EDN3: variants seen among roughly 807,000 people sequenced by gnomAD.
EDN3 encodes endothelin-3.
In EDN3, 9 loss-of-function variants were observed where a neutral mutation model predicts 21.4. That is an observed-to-expected ratio of 0.42 (90% CI 0.25 to 0.73). The LOEUF (loss-of-function observed/expected upper bound fraction) is 0.73, where lower values mean the gene tolerates loss of function less well. EDN3 is among the 30% of genes least tolerant of loss of function. EDN3 has a pLI of 0.26. For synonymous variants in EDN3, 133 were observed against 126.2 expected (o/e 1.05, Z -0.36); for missense variants, 327 against 309.4 (o/e 1.06, Z -0.43).
At chr20:59,310,190 A>T (rs1989705126) in intron 2 of EDN3, among the ~76,000 whole-genome samples, 1 of 152,030 alleles carries the variant, frequency 6.6e-6, no homozygotes, top group Non-Finnish European at 1.5e-5. Context: ...GTAAAGGGTG[A>T]CCCTGTCTAC....
intron 2 of EDN3, among the ~76,000 whole-genome samples, chr20:59,310,470 C>T (rs1989725004): frequency 1.3e-5 from 2 of 152,190 alleles, no homozygotes; most frequent in African/African-American, 4.8e-5. Context: ...AATCCTGGCT[C>T]ACCCACCAAA....
At chr20:59,306,387 G>T (rs533249429) in intron 2 of EDN3, among the ~76,000 whole-genome samples, 1 of 152,136 alleles carries the variant, frequency 6.6e-6, no homozygotes, top group East Asian at 1.9e-4. Flanking sequence ...AGGTGCTGTT[G>T]CCTCTCTGTG....
At chr20:59,324,299 T>C in intron 4 of EDN3, 32 bp from the exon 5 acceptor site, 6 of 1,614,030 alleles carry the variant, frequency 3.7e-6, no homozygotes, top group Non-Finnish European at 5.1e-6. Context: ...TACCTTTCTT[T>C]TTTTTTCTTT....
chr20:59,300,981 T>C, intron 1 of EDN3, 117 bp downstream of exon 1: 1 of 1,257,094 alleles, frequency 8.0e-7, no homozygotes, highest in Non-Finnish European at 1.1e-6. Flanking sequence ...TTGCCTGGGC[T>C]CTGCACTCGT....
intron 2 of EDN3, among the ~76,000 whole-genome samples, chr20:59,313,526 A>C (rs1167764366): frequency 6.6e-6 from 1 of 152,064 alleles, no homozygotes; most frequent in African/African-American, 2.4e-5. Flanking sequence ...TTTGAGGGGG[A>C]AAGGAGGGGG....
intron 2 of EDN3, among the ~76,000 whole-genome samples, chr20:59,303,176 T>G (rs11570264): frequency 2.5e-3 from 376 of 152,324 alleles, no homozygotes; most frequent in Admixed American, 8.0e-3. Flanking sequence ...TTGCATTTTC[T>G]CCTGGGTCCC....
Position 59,315,343 on chromosome 20 carries a change from G to A in EDN3, c.366-5674G>A, listed in dbSNP as rs535113154. On this transcript the variant is annotated intron_variant, in intron 2 of 4. Transcript: ENST00000337938. ...TTGTTTCTCCTCCTCTTGGCCACAG[G>A]ACAAGTCACAGAGCCATGCTTTCTG... Among the ~76,000 whole-genome samples the A allele has an allele frequency of 7.2e-5, 11 of 152,322 alleles. No individual in the cohort carries two copies. The East Asian group carries it at 1.9e-3, about 27-fold the overall frequency.
chr20:59,324,304 T>C (rs1382408066), intron 4 of EDN3, 27 bp from the exon 5 acceptor site: 2 of 1,614,096 alleles, frequency 1.2e-6, no homozygotes, highest in Non-Finnish European at 1.7e-6. Flanking sequence ...TTCTTTTTTT[T>C]TCTTTTGCCC....
At chr20:59,307,078 G>T (rs1249534794) in intron 2 of EDN3, among the ~76,000 whole-genome samples, 1 of 152,212 alleles carries the variant, frequency 6.6e-6, no homozygotes, top group African/African-American at 2.4e-5. Context: ...CCAGGAGGTG[G>T]AGGTTGCAGT....
Position 59,314,823 on chromosome 20 carries a change from G to T in EDN3, c.366-6194G>T, listed in dbSNP as rs911077918. ...AATTCCCTGCTTCTCAGTCCTTGGA[G>T]TGCAGGTGCTCCTGTTCCTGGTCCT... is the stretch of plus-strand genomic sequence containing the variant. On this transcript the variant is annotated intron_variant, in intron 2 of 4. Coordinates refer to ENST00000337938, the MANE Select transcript of EDN3 (RefSeq NM_207034.3). Among the ~76,000 whole-genome samples, 4 of 152,208 alleles carry T rather than the reference G, an allele frequency of 2.6e-5. No individual in the cohort carries two copies. The South Asian group carries it at 6.2e-4, about 24-fold the overall frequency.
chr20:59,313,186 C>G (rs1442717349), intron 2 of EDN3, among the ~76,000 whole-genome samples: 1 of 152,194 alleles, frequency 6.6e-6, no homozygotes, highest in African/African-American at 2.4e-5. Flanking sequence ...GCAGTGATGG[C>G]TCATTTGGAC....
chr20:59,301,285 C>A (rs763914951), intron 1 of EDN3, 125 bp from the exon 2 acceptor site: 152 of 1,189,054 alleles, frequency 1.3e-4, no homozygotes, highest in Non-Finnish European at 1.7e-4. Context: ...TCAGAAACTG[C>A]GCAGAGCTTT....
At chr20:59,314,596 C>G (rs187991189) in intron 2 of EDN3, among the ~76,000 whole-genome samples, 26 of 152,246 alleles carry the variant, frequency 1.7e-4, no homozygotes, top group African/African-American at 5.5e-4. Flanking sequence ...AGTTGCCCCT[C>G]TTAGGAGTCT....
Position 59,324,573 on chromosome 20 carries a change from AC to A in EDN3, c.*117del. The stretch of plus-strand genomic sequence containing the variant: ...TGAATTTGCCTGGGGCAGAACACCC[AC>A]CCAAAGAGTCCCCACTTAACAATAC... On this transcript the variant is annotated 3_prime_UTR_variant, in exon 5 of 5. Coordinates refer to ENST00000337938, the MANE Select transcript of EDN3 (RefSeq NM_207034.3). 7.0e-7 allele frequency: 1 copy of A among 1,422,716 alleles called. No homozygotes were observed. The highest frequency in any genetic ancestry group is 9.7e-7 in the Non-Finnish European group (1 of 1,029,782). 88.1% of individuals were successfully genotyped at this position (1,422,716 alleles called of 1,614,324 possible). A position where few individuals can be genotyped will look rare whatever the true frequency, so the allele number is the denominator to read the frequency against.
rs11570259 is a variant in EDN3 at position 59,302,096 on chromosome 20, G to A, written c.365+374G>A. Among the ~76,000 whole-genome samples the A allele has an allele frequency of 3.1e-3, 472 of 152,262 alleles. 4 individuals are homozygous for A. The highest frequency in any genetic ancestry group is 0.011 in the African/African-American group (460 of 41,550). Reference sequence around the variant, plus strand: ...ATCTCATTCCCCAGGGGCCAAGGGGGCTCATACTCACTGTTGACCCCACCA... The same window carrying A: ...ATCTCATTCCCCAGGGGCCAAGGGGACTCATACTCACTGTTGACCCCACCA... On this transcript the variant is annotated intron_variant, in intron 2 of 4. Transcript: ENST00000337938.
In EDN3 at chr20:59,324,241, G is replaced by A. The variant is rs376260876; in HGVS notation, c.589-90G>A. 188 of 1,538,400 alleles carry A rather than the reference G, an allele frequency of 1.2e-4. 2 individuals are homozygous for A. In the Middle Eastern group the frequency reaches 2.5e-3, roughly 21 times the overall value. ...CAGGCTGGAGAGGCAGTGGGAAGAC[G>A]TTCCCTTTTTCAGCTTCACAGAACT... On this transcript the variant is annotated intron_variant, in intron 4 of 4. Coordinates refer to ENST00000337938, the MANE Select transcript of EDN3 (RefSeq NM_207034.3).
intron 4 of EDN3, among the ~76,000 whole-genome samples, chr20:59,323,075 C>T (rs991170682): frequency 6.6e-6 from 1 of 152,092 alleles, no homozygotes; most frequent in African/African-American, 2.4e-5. Flanking sequence ...AATTTATGTT[C>T]ATAATAATAG....
At chr20:59,311,358 A>G (rs1395439489) in intron 2 of EDN3, among the ~76,000 whole-genome samples, 3 of 152,186 alleles carry the variant, frequency 2.0e-5, no homozygotes, top group Non-Finnish European at 4.4e-5. Context: ...TAAAGAAACA[A>G]AAGAATGGCT....
At chr20:59,303,703 T>C (rs1261641423) in intron 2 of EDN3, among the ~76,000 whole-genome samples, 1 of 152,190 alleles carries the variant, frequency 6.6e-6, no homozygotes, top group African/African-American at 2.4e-5. Flanking sequence ...TAAAATTCTG[T>C]CTCATGCATC....
Sources: allele counts gnomAD v4.1 joint callset (sites outside exome capture counted in the v4.1 genomes callset), GRCh38; gene constraint gnomAD v4.1.1; transcripts MANE v1.5; gene names NCBI Gene and HGNC (gene_info 2026-07-23, HGNC 2026-07-21).